Variants in RIMS2 observed in about 807,000 individuals in gnomAD.
RIMS2 encodes regulating synaptic membrane exocytosis 2, also known as regulating synaptic membrane exocytosis protein 2.
A neutral mutation model predicts 174.4 loss-of-function variants in RIMS2; 59 were observed. That is an observed-to-expected ratio of 0.34 (90% CI 0.27 to 0.42). The LOEUF (loss-of-function observed/expected upper bound fraction) is 0.42, where lower values mean the gene tolerates loss of function less well. Among genes scored for constraint, RIMS2 ranks in the 10% least tolerant of loss-of-function variants. The pLI is 1.00. For synonymous variants in RIMS2, 606 were observed against 572.5 expected (o/e 1.06, Z -0.84); for missense variants, 1,620 against 1,666.3 (o/e 0.97, Z 0.48).
intron 20 of RIMS2, among the ~76,000 whole-genome samples, chr8:104,246,217 C>T (rs2099329445): frequency 6.6e-6 from 1 of 152,186 alleles, no homozygotes; most frequent in African/African-American, 2.4e-5. Flanking sequence ...AGTCACTGTG[C>T]TGTACGTTGG....
intron 3 of RIMS2, among the ~76,000 whole-genome samples, chr8:103,846,666 C>T (rs753814142): frequency 6.6e-5 from 10 of 152,080 alleles, no homozygotes; most frequent in Non-Finnish European, 1.3e-4. Flanking sequence ...CATTAGTGTA[C>T]CCTTTGTACC....
At chr8:103,788,001 C>A (rs1179993373) in intron 3 of RIMS2, among the ~76,000 whole-genome samples, 1 of 151,840 alleles carries the variant, frequency 6.6e-6, no homozygotes, top group Admixed American at 6.6e-5. Context: ...AACTTCCCTT[C>A]TCACTTCATT....
At chr8:103,945,107 A>G (rs985998462) in intron 14 of RIMS2, among the ~76,000 whole-genome samples, 5 of 152,090 alleles carry the variant, frequency 3.3e-5, no homozygotes, top group African/African-American at 4.8e-5. Context: ...TATTTCAAAG[A>G]TCGTGATCAT....
At chr8:104,173,100 A>T (rs956162662) in intron 19 of RIMS2, among the ~76,000 whole-genome samples, 1 of 152,184 alleles carries the variant, frequency 6.6e-6, no homozygotes, top group African/African-American at 2.4e-5. Flanking sequence ...CCTGCTTACT[A>T]CATCTGCTTT....
At chr8:104,233,204 T>A (rs1305829849) in intron 19 of RIMS2, among the ~76,000 whole-genome samples, 1 of 152,164 alleles carries the variant, frequency 6.6e-6, no homozygotes, top group Non-Finnish European at 1.5e-5. Context: ...TAGAGCATAA[T>A]AAATTCCTCC....
chr8:104,112,069 A>G (rs1461453883), intron 19 of RIMS2, among the ~76,000 whole-genome samples: 1 of 152,168 alleles, frequency 6.6e-6, no homozygotes, highest in East Asian at 1.9e-4. Flanking sequence ...AAAGTTTCCT[A>G]TTTCCACTAT....
chr8:103,901,942 A>G (rs1174461509), intron 4 of RIMS2, among the ~76,000 whole-genome samples: 1 of 152,156 alleles, frequency 6.6e-6, no homozygotes, highest in African/African-American at 2.4e-5. Context: ...ATTGCCAGAC[A>G]CTTAGCAGCT....
intron 4 of RIMS2, among the ~76,000 whole-genome samples, chr8:103,895,089 A>G (rs551698450): frequency 6.6e-6 from 1 of 150,820 alleles, no homozygotes; most frequent in East Asian, 1.9e-4. Flanking sequence ...ACTTTGCTTC[A>G]CTTTTTAAGC....
chr8:103,583,014 C>A (rs2093699932), intron 1 of RIMS2, among the ~76,000 whole-genome samples: 1 of 152,196 alleles, frequency 6.6e-6, no homozygotes, highest in Non-Finnish European at 1.5e-5. Context: ...CAGGTCTGAC[C>A]CAGCGCAGTC....
chr8:103,689,467 G>C (rs1215965263), intron 1 of RIMS2, among the ~76,000 whole-genome samples: 1 of 151,814 alleles, frequency 6.6e-6, no homozygotes, highest in Non-Finnish European at 1.5e-5. Flanking sequence ...GAAGTCTCCA[G>C]CTATCATTGT....
intron 19 of RIMS2, among the ~76,000 whole-genome samples, chr8:104,203,395 G>A (rs907986951): frequency 1.3e-5 from 2 of 150,858 alleles, no homozygotes; most frequent in Non-Finnish European, 2.9e-5. Context: ...ATCTCTAAGT[G>A]AAGACACTAA....
At chr8:104,176,194 A>G (rs2098892303) in intron 19 of RIMS2, among the ~76,000 whole-genome samples, 1 of 151,822 alleles carries the variant, frequency 6.6e-6, no homozygotes, top group Admixed American at 6.6e-5. Flanking sequence ...GTGCTCCCTT[A>G]CTTCTTGTTT....
At chr8:103,953,142 G>A (rs555110331) in intron 14 of RIMS2, among the ~76,000 whole-genome samples, 71 of 152,336 alleles carry the variant, frequency 4.7e-4, no homozygotes, top group African/African-American at 1.7e-3. Context: ...GTACCTGAAA[G>A]TGACGGGAGA....
chr8:104,206,106 A>T (rs900940233), intron 19 of RIMS2, among the ~76,000 whole-genome samples: 1 of 152,166 alleles, frequency 6.6e-6, no homozygotes, highest in African/African-American at 2.4e-5. Flanking sequence ...CTATATAATA[A>T]AGACCCTGTA....
chr8:103,587,905 A>G (rs1397163858), intron 1 of RIMS2, among the ~76,000 whole-genome samples: 4 of 152,084 alleles, frequency 2.6e-5, no homozygotes, highest in Non-Finnish European at 5.9e-5. Context: ...AGTCCTAGCT[A>G]TAGCATTCAG....
rs147337221 is a variant in RIMS2 at position 103,529,954 on chromosome 8, G to A, written c.176+28892G>A. Reference sequence around the variant, plus strand: ...TATGGAAGGCTAACTGTACTAAAGAGCGTTCTTCAGTTAGAAGGAAAATGG... The same window carrying A: ...TATGGAAGGCTAACTGTACTAAAGAACGTTCTTCAGTTAGAAGGAAAATGG... On this transcript the variant is annotated intron_variant, in intron 1 of 23. Coordinates refer to ENST00000504942, the Ensembl canonical transcript of RIMS2. Among the ~76,000 whole-genome samples, 14 of 152,316 alleles carry A rather than the reference G, an allele frequency of 9.2e-5. No homozygotes were observed. In the East Asian group the frequency reaches 2.5e-3, roughly 27 times the overall value.
chr8:104,146,360 CAG>C (rs2098640029), intron 19 of RIMS2, among the ~76,000 whole-genome samples: 1 of 152,056 alleles, frequency 6.6e-6, no homozygotes, highest in African/African-American at 2.4e-5. Context: ...GCCTGGGTGA[CAG>C]AGCAAAACAC....
At chr8:104,225,809 T>C (rs528690294) in intron 19 of RIMS2, among the ~76,000 whole-genome samples, 2 of 152,312 alleles carry the variant, frequency 1.3e-5, no homozygotes, top group East Asian at 3.9e-4. Context: ...CATACAGTTC[T>C]CTACTAGTAA....
chr8:104,063,117 C>A (rs953778175), intron 19 of RIMS2, among the ~76,000 whole-genome samples: 54 of 151,842 alleles, frequency 3.6e-4, no homozygotes, highest in African/African-American at 1.3e-3. Context: ...AAACATTTTT[C>A]ATTTGGGAAT....
Sources: gnomAD v4.1 joint callset for allele counts (sites outside exome capture counted in the v4.1 genomes callset) on GRCh38, gnomAD v4.1.1 for gene constraint, MANE v1.5 for transcripts, NCBI Gene and HGNC (gene_info 2026-07-23, HGNC 2026-07-21) for gene names.